Variants in PLA2G2A observed in about 807,000 individuals in gnomAD.
PLA2G2A encodes the protein phospholipase A2 group IIA.
Under a neutral mutation model 11.2 loss-of-function variants are expected in PLA2G2A, and 6 were observed. The ratio of observed to expected loss-of-function variants is 0.54; its 90% CI spans 0.29 to 1.06. The LOEUF is 1.06. Among genes scored for constraint, PLA2G2A ranks in the 50% least tolerant of loss-of-function variants. The pLI is 0.08. For synonymous variants in PLA2G2A, 69 were observed against 65.8 expected, an observed-to-expected ratio of 1.05 and a Z score of -0.23; for missense variants, 133 against 177.1, an observed-to-expected ratio of 0.75 and a Z score of 1.41.
chr1:19,975,470 C>A (rs189084413), downstream of PLA2G2A: 10 of 585,306 alleles, frequency 1.7e-5, no homozygotes, highest in Non-Finnish European at 3.1e-5. Context: ...AGAGACCCCC[C>A]GGAGTACAGC....
At position 19,978,089 on chromosome 1, in the gene PLA2G2A, C is replaced by T. The variant is rs746301366; in HGVS notation, c.218G>A (p.Arg73His). The stretch of plus-strand genomic sequence containing the variant: ...GGTGCCACATCCACGTTTCTCCAGA[C>T]GTTTGTAGCAACAGTCATGAGTGAC... Residue 73 changes from arginine (R) to histidine (H), a missense_variant, in exon 4 of 5, where the codon CGT (arginine) becomes CAT (histidine). Arg to His is a conservative substitution (Grantham distance 29). Coordinates refer to ENST00000482011, the Ensembl canonical transcript of PLA2G2A. 5.2e-5 allele frequency: 84 copies of T among 1,613,856 alleles called. No homozygotes were observed. The highest frequency in any genetic ancestry group is 6.7e-5 in the African/African-American group (5 of 74,918).
At chr1:19,978,292 C>T (rs2236772) in intron 3 of PLA2G2A, 88 bp downstream of exon 3, 52,427 of 1,498,284 alleles carry the variant, frequency 0.035, 1,426 homozygotes, top group East Asian at 0.1. Context: ...GAGACCTCTG[C>T]GCCCATCAGG....
intron 3 of PLA2G2A, 109 bp from the exon 4 acceptor site, chr1:19,978,230 G>A (rs2046248642): frequency 7.5e-7 from 1 of 1,332,782 alleles, no homozygotes; most frequent in Non-Finnish European, 1.1e-6. Context: ...CTTTGCAACA[G>A]TCTAGAGCAG....
intron 4 of PLA2G2A, among the ~76,000 whole-genome samples, chr1:19,977,062 C>T (rs1407471766): frequency 1.3e-5 from 2 of 152,202 alleles, no homozygotes; most frequent in African/African-American, 2.4e-5. Flanking sequence ...AGTGATCACA[C>T]CCACCTCTCA....
At chr1:19,978,518 A>G in exon 3 of PLA2G2A, 4 of 1,613,608 alleles carry the variant, frequency 2.5e-6, no homozygotes, top group Non-Finnish European at 3.4e-6. Context: ...ATGGGCCTGC[A>G]GTAGGCCTGG....
intron 4 of PLA2G2A, among the ~76,000 whole-genome samples, chr1:19,977,230 T>C (rs1571224480): frequency 6.6e-6 from 1 of 152,130 alleles, no homozygotes; most frequent in African/African-American, 2.4e-5. Context: ...CCCTCCACCA[T>C]GACCTGCTCC....
At chr1:19,978,977 A>ACACACACACG in intron 1 of PLA2G2A, 98 bp from the exon 2 acceptor site, 1 of 112,896 alleles carries the variant, frequency 8.9e-6, no homozygotes, top group East Asian at 2.1e-4. Flanking sequence ...AGCAATGCAC[A>ACACACACACG]CACACACACA....
At chr1:19,977,928 CCT>C (rs1365805596) in intron 4 of PLA2G2A, 85 bp downstream of exon 4, 2 of 844,220 alleles carry the variant, frequency 2.4e-6, no homozygotes, top group Non-Finnish European at 4.2e-6. Context: ...GAACTGTGTC[CCT>C]CTGTGTCTAT....
chr1:19,979,257 A>G (rs1170993019), intron 1 of PLA2G2A, among the ~76,000 whole-genome samples: 4 of 152,134 alleles, frequency 2.6e-5, no homozygotes, highest in Non-Finnish European at 5.9e-5. Context: ...GCACCCATGG[A>G]GGCTCGGCCT....
intron 4 of PLA2G2A, among the ~76,000 whole-genome samples, chr1:19,976,559 T>G (rs555961681): frequency 1.3e-5 from 2 of 152,310 alleles, no homozygotes; most frequent in African/African-American, 4.8e-5. Flanking sequence ...TCATGTGGCT[T>G]GTGACCTAAC....
At chr1:19,976,271 G>C (rs1003825014) in intron 4 of PLA2G2A, among the ~76,000 whole-genome samples, 1 of 152,166 alleles carries the variant, frequency 6.6e-6, no homozygotes, top group African/African-American at 2.4e-5. Context: ...AGTCTGCTGG[G>C]GGCTTCTGGG....
chr1:19,980,120 C>A (rs530635027), upstream of PLA2G2A, among the ~76,000 whole-genome samples: 1 of 152,218 alleles, frequency 6.6e-6, no homozygotes, highest in Non-Finnish European at 1.5e-5. Context: ...TGGGCCTCTA[C>A]CATGTTCCAG....
chr1:19,977,374 T>C (rs1041751074), intron 4 of PLA2G2A, among the ~76,000 whole-genome samples: 5 of 152,188 alleles, frequency 3.3e-5, no homozygotes, highest in African/African-American at 1.2e-4. Flanking sequence ...TTCTCCACCT[T>C]TCCCATCCTG....
chr1:19,978,631 C>G, intron 2 of PLA2G2A, 103 bp downstream of exon 2: 1 of 1,596,930 alleles, frequency 6.3e-7, no homozygotes, highest in Non-Finnish European at 8.6e-7. Context: ...TTCTTTTTTC[C>G]CCCTGAGAGA....
Position 19,978,609 on chromosome 1 carries a change from C to T in PLA2G2A, c.41-85G>A, listed in dbSNP as rs142811196. 64 of 1,601,210 alleles carry T rather than the reference C, an allele frequency of 4.0e-5. No homozygotes were observed. The African/African-American group carries it at 7.1e-4, about 18-fold the overall frequency. On this transcript the variant is annotated intron_variant, in intron 2 of 4. Transcript: ENST00000482011. The stretch of plus-strand genomic sequence containing the variant: ...CTGCCCCTCTCTGCTACTCTCCTTC[C>T]TCCCAAATGGCTTCTTTTTTCCCCC...
intron 4 of PLA2G2A, among the ~76,000 whole-genome samples, chr1:19,976,698 G>A (rs2046224192): frequency 6.6e-6 from 1 of 152,166 alleles, no homozygotes; most frequent in South Asian, 2.1e-4. Context: ...AGCTGTCTGG[G>A]GACACCAAGC....
chr1:19,975,451 T>G (rs1482851580), downstream of PLA2G2A: 3 of 549,032 alleles, frequency 5.5e-6, no homozygotes, highest in Non-Finnish European at 9.9e-6. Flanking sequence ...GCTAATTGCT[T>G]TATTCAGAAG....
exon 5 of PLA2G2A, chr1:19,975,694 A>C: frequency 6.2e-7 from 1 of 1,613,040 alleles, no homozygotes; most frequent in Non-Finnish European, 8.5e-7. Flanking sequence ...TCCAGGGAAG[A>C]GGGGACTCAG....
intron 4 of PLA2G2A, among the ~76,000 whole-genome samples, chr1:19,977,684 G>A (rs2046239256): frequency 6.6e-6 from 1 of 152,158 alleles, no homozygotes; most frequent in Non-Finnish European, 1.5e-5. Context: ...GGCTTACAGT[G>A]CCCTTTAGTG....
Sources: allele counts gnomAD v4.1 joint callset (sites outside exome capture counted in the v4.1 genomes callset), GRCh38; gene constraint gnomAD v4.1.1; transcripts MANE v1.5; gene names NCBI Gene and HGNC (gene_info 2026-07-23, HGNC 2026-07-21).